CA10: variants seen among roughly 807,000 people sequenced by gnomAD.
CA10 encodes carbonic anhydrase 10 (inactive), also known as carbonic anhydrase-related protein 10.
CA10 carries 14 observed loss-of-function variants against 44.2 expected under a neutral mutation model. That is an observed-to-expected ratio of 0.32 (90% confidence interval 0.21 to 0.50). CA10 has a LOEUF of 0.50. Among genes scored for constraint, CA10 ranks in the 20% least tolerant of loss-of-function variants. The pLI is 0.99. For synonymous variants in CA10, 159 were observed against 141.6 expected, an observed-to-expected ratio of 1.12 and a Z score of -0.87; for missense variants, 350 against 409.7, an observed-to-expected ratio of 0.85 and a Z score of 1.26.
At chr17:51,757,842 G>A (rs1317637044) in intron 3 of CA10, among the ~76,000 whole-genome samples, 1 of 152,004 alleles carries the variant, frequency 6.6e-6, no homozygotes, top group Non-Finnish European at 1.5e-5. Flanking sequence ...AGAGGGTGTG[G>A]AGCTTTAGGA....
intron 3 of CA10, among the ~76,000 whole-genome samples, chr17:51,915,067 C>T (rs1298801987): frequency 6.6e-6 from 1 of 152,032 alleles, no homozygotes; most frequent in African/African-American, 2.4e-5. Context: ...CATTTATTGA[C>T]TGCTTTCTGT....
intron 1 of CA10, among the ~76,000 whole-genome samples, chr17:52,146,189 A>G (rs1989578442): frequency 6.6e-6 from 1 of 152,252 alleles, no homozygotes; most frequent in South Asian, 2.1e-4. Context: ...CCAACATGGC[A>G]CATGTATACA....
intron 1 of CA10, among the ~76,000 whole-genome samples, chr17:52,128,707 C>T (rs184821509): frequency 1.4e-3 from 215 of 152,244 alleles, no homozygotes; most frequent in Non-Finnish European, 2.4e-3. Flanking sequence ...TCTTGCAGCC[C>T]TTCACTTCTA....
At chr17:51,865,552 C>T (rs1283315092) in intron 3 of CA10, among the ~76,000 whole-genome samples, 8 of 152,196 alleles carry the variant, frequency 5.3e-5, no homozygotes, top group African/African-American at 1.9e-4. Context: ...TGTCCATGGC[C>T]TCAGGGAGCC....
chr17:51,791,939 G>A (rs567173738), intron 3 of CA10, among the ~76,000 whole-genome samples: 14 of 152,046 alleles, frequency 9.2e-5, no homozygotes, highest in East Asian at 5.8e-4. Flanking sequence ...TTCTTTATGC[G>A]TATTTCTGTT....
At chr17:52,133,259 C>T (rs541562307) in intron 1 of CA10, among the ~76,000 whole-genome samples, 13 of 152,312 alleles carry the variant, frequency 8.5e-5, no homozygotes, top group African/African-American at 2.9e-4. Context: ...GAGCCTCCAG[C>T]GCCCCAGCGG....
chr17:51,919,496 A>G (rs1345271661), intron 3 of CA10, among the ~76,000 whole-genome samples: 1 of 152,034 alleles, frequency 6.6e-6, no homozygotes, highest in Non-Finnish European at 1.5e-5. Flanking sequence ...GCTAGTCTGT[A>G]AAACTTAGCT....
At chr17:51,908,328 A>G (rs2143945163) in intron 3 of CA10, among the ~76,000 whole-genome samples, 1 of 152,304 alleles carries the variant, frequency 6.6e-6, no homozygotes, top group South Asian at 2.1e-4. Context: ...AGGAGAGCCC[A>G]GAGTCAGGCT....
intron 1 of CA10, among the ~76,000 whole-genome samples, chr17:52,153,338 T>C (rs1043847156): frequency 2.0e-5 from 3 of 152,184 alleles, no homozygotes; most frequent in African/African-American, 7.2e-5. Context: ...TTTTATTTGA[T>C]GGGACATTCT....
intron 3 of CA10, among the ~76,000 whole-genome samples, chr17:51,770,773 A>G (rs1905574530): frequency 1.3e-5 from 2 of 152,018 alleles, no homozygotes; most frequent in Admixed American, 1.3e-4. Context: ...GGCATCTCAC[A>G]TGGCCAAGTG....
At chr17:52,144,680 T>C (rs982237134) in intron 1 of CA10, among the ~76,000 whole-genome samples, 5 of 152,234 alleles carry the variant, frequency 3.3e-5, no homozygotes, top group East Asian at 1.9e-4. Context: ...TTATGTGCTA[T>C]GTGCAGACAT....
intron 4 of CA10, among the ~76,000 whole-genome samples, chr17:51,707,544 T>C (rs941431173): frequency 6.6e-6 from 1 of 152,158 alleles, no homozygotes; most frequent in Non-Finnish European, 1.5e-5. Flanking sequence ...TGGTAGGAAA[T>C]GGCAGAGTCT....
intron 6 of CA10, among the ~76,000 whole-genome samples, chr17:51,636,691 A>G (rs1209477214): frequency 6.6e-6 from 1 of 152,132 alleles, no homozygotes; most frequent in African/African-American, 2.4e-5. Context: ...TAAAACAACA[A>G]TAAGAAAATA....
chr17:52,052,052 C>T (rs952803291), intron 2 of CA10, among the ~76,000 whole-genome samples: 12 of 151,948 alleles, frequency 7.9e-5, no homozygotes, highest in African/African-American at 2.9e-4. Context: ...ACTTCATATT[C>T]TCACTTATAA....
intron 3 of CA10, among the ~76,000 whole-genome samples, chr17:51,836,881 C>A (rs984590943): frequency 2.0e-5 from 3 of 151,950 alleles, no homozygotes; most frequent in African/African-American, 4.8e-5. Context: ...GAGAAAGGAG[C>A]TTGTTATGCG....
At chr17:51,950,432 C>G (rs1006390750) in intron 2 of CA10, among the ~76,000 whole-genome samples, 2 of 152,148 alleles carry the variant, frequency 1.3e-5, no homozygotes, top group Non-Finnish European at 2.9e-5. Context: ...ATAGGAGGCA[C>G]TCGCAGGGAA....
At chr17:51,918,153 A>G (rs1004204574) in intron 3 of CA10, among the ~76,000 whole-genome samples, 1 of 152,138 alleles carries the variant, frequency 6.6e-6, no homozygotes, top group African/African-American at 2.4e-5. Flanking sequence ...CTGTATTCAA[A>G]CCTACCTAGC....
intron 5 of CA10, among the ~76,000 whole-genome samples, chr17:51,652,807 G>T (rs1913625481): frequency 6.6e-6 from 1 of 152,154 alleles, no homozygotes; most frequent in South Asian, 2.1e-4. Context: ...TCCCAATTCC[G>T]ATTGGGGCAC....
At chr17:51,882,751 T>A (rs1292456259) in intron 3 of CA10, among the ~76,000 whole-genome samples, 1 of 152,104 alleles carries the variant, frequency 6.6e-6, no homozygotes, top group Non-Finnish European at 1.5e-5. Flanking sequence ...GAGCACCGAG[T>A]CAAGACTGGA....
Sources: allele counts gnomAD v4.1 joint callset (sites outside exome capture counted in the v4.1 genomes callset), GRCh38; gene constraint gnomAD v4.1.1; transcripts MANE v1.5; gene names NCBI Gene and HGNC (gene_info 2026-07-23, HGNC 2026-07-21).